Variants in PTPN13 observed in about 807,000 individuals in gnomAD.
PTPN13 encodes protein tyrosine phosphatase non-receptor type 13, also known as tyrosine-protein phosphatase non-receptor type 13.
PTPN13 carries 191 observed loss-of-function variants against 284.0 expected under a neutral mutation model. The ratio of observed to expected loss-of-function variants is 0.67; its 90% CI spans 0.60 to 0.76. The LOEUF (loss-of-function observed/expected upper bound fraction) is 0.76, where lower values mean the gene tolerates loss of function less well. Ranked by LOEUF, PTPN13 falls within the 30% of genes least tolerant of loss-of-function variation. The pLI is 0.00. For missense variants in PTPN13, 2,797 were observed against 2,939.9 expected (o/e 0.95, Z 1.12); for synonymous variants, 986 against 1,022.3 (o/e 0.96, Z 0.68).
In PTPN13 at chr4:86,782,279, C is replaced by T. The variant is rs369485937; in HGVS notation, c.6024+17C>T. ...TTCTCCACGGTAAGAAAAAGCCCACCCTCTTTCATGTCATACCTCCTTATC... is the reference window on the plus strand; with the variant it reads ...TTCTCCACGGTAAGAAAAAGCCCACTCTCTTTCATGTCATACCTCCTTATC... On this transcript the variant is annotated intron_variant, in intron 37 of 47. Coordinates refer to ENST00000411767, the MANE Select transcript of PTPN13 (RefSeq NM_080683.3). 98 of 1,579,704 alleles carry T rather than the reference C, an allele frequency of 6.2e-5. No individual in the cohort carries two copies. The African/African-American group carries it at 1.1e-3, about 18-fold the overall frequency.
chr4:86,775,778 A>G, intron 35 of PTPN13, 126 bp downstream of exon 35: 1 of 796,090 alleles, frequency 1.3e-6, no homozygotes, highest in Non-Finnish European at 1.9e-6. Flanking sequence ...GCAGGACTTA[A>G]TAAATTTAAA....
chr4:86,731,159 A>G (rs1734904295), intron 10 of PTPN13, among the ~76,000 whole-genome samples: 1 of 152,200 alleles, frequency 6.6e-6, no homozygotes, highest in Admixed American at 6.5e-5. Flanking sequence ...CTCTGGTAAC[A>G]TTCATTAGTT....
chr4:86,601,631 C>T (rs1355884346), intron 1 of PTPN13, among the ~76,000 whole-genome samples: 1 of 152,124 alleles, frequency 6.6e-6, no homozygotes, highest in Non-Finnish European at 1.5e-5. Flanking sequence ...GGTAAGATTT[C>T]ACCTGAATCT....
At chr4:86,690,285 A>T (rs1282635293) in intron 5 of PTPN13, 3 of 152,298 alleles carry the variant, frequency 2.0e-5, no homozygotes, top group Non-Finnish European at 2.9e-5. Flanking sequence ...TAAAGCTATT[A>T]AAAAATCTTT....
In PTPN13 at chr4:86,794,420, A is replaced by ATT. The variant is rs1227342493; in HGVS notation, c.6346-2453_6346-2452dup. On this transcript the variant is annotated intron_variant, in intron 40 of 47. Coordinates refer to ENST00000411767, the MANE Select transcript of PTPN13 (RefSeq NM_080683.3). ...AGAGGACACAAACAAATGGAAGAAC[A>ATT]TTCCATGCTCATGGATAGGAAGAAT... Among the ~76,000 whole-genome samples, 6 of 152,302 alleles carry ATT rather than the reference A, an allele frequency of 3.9e-5. No homozygotes were observed. The East Asian group carries it at 9.7e-4, about 25-fold the overall frequency.
intron 31 of PTPN13, 48 bp downstream of exon 31, chr4:86,771,583 G>C: frequency 6.8e-7 from 1 of 1,469,410 alleles, no homozygotes; most frequent in Non-Finnish European, 9.1e-7. Context: ...GTTGTTGTTA[G>C]TAGCAGTAGC....
rs80183139 is a variant in PTPN13, at chr4:86,691,226, C to CA, written c.546+2052dup. Among the ~76,000 whole-genome samples the CA allele has an allele frequency of 8.8e-3, 819 of 92,880 alleles. 9 individuals are homozygous for CA. Among genetic ancestry groups the CA allele is most frequent in the East Asian group, 8.7e-3 (29 of 3,316 alleles). The allele number at this position is 92,880 out of a possible 152,430, so 60.9% of individuals were successfully genotyped here. A position where few individuals can be genotyped will look rare whatever the true frequency, so the allele number is the denominator to read the frequency against. ...TAGGCAACAGAGTAAGGCCCTACCT[C>CA]AAAAAAAAAAAAAAAAGTTAAAATT... is the stretch of plus-strand genomic sequence containing the variant. On this transcript the variant is annotated intron_variant, in intron 5 of 47. Transcript: ENST00000411767.
At chr4:86,743,890 A>G (rs545352093) in intron 16 of PTPN13, among the ~76,000 whole-genome samples, 1 of 152,332 alleles carries the variant, frequency 6.6e-6, no homozygotes, top group Admixed American at 6.5e-5. Context: ...CACAGTAGCC[A>G]AGAGCTAGAG....
At chr4:86,652,730 G>A (rs1198728148) in intron 2 of PTPN13, among the ~76,000 whole-genome samples, 4 of 151,972 alleles carry the variant, frequency 2.6e-5, no homozygotes, top group Non-Finnish European at 4.4e-5. Context: ...TATATACCTT[G>A]AGGTAGTTGT....
chr4:86,644,846 A>G (rs761493121), intron 2 of PTPN13, among the ~76,000 whole-genome samples: 2 of 152,182 alleles, frequency 1.3e-5, no homozygotes, highest in Non-Finnish European at 2.9e-5. Context: ...AAAGAAAACT[A>G]TATTATCTTT....
At chr4:86,695,420 A>G (rs1459748319) in intron 6 of PTPN13, among the ~76,000 whole-genome samples, 1 of 151,948 alleles carries the variant, frequency 6.6e-6, no homozygotes, top group Middle Eastern at 3.2e-3. Flanking sequence ...AGGATTTGAG[A>G]TAGTATATAG....
intron 9 of PTPN13, among the ~76,000 whole-genome samples, chr4:86,719,067 T>C (rs941174831): frequency 1.3e-5 from 2 of 152,192 alleles, no homozygotes; most frequent in African/African-American, 4.8e-5. Flanking sequence ...ACATACTATT[T>C]TGTCAAGCAG....
intron 1 of PTPN13, among the ~76,000 whole-genome samples, chr4:86,595,110 G>C (rs1369947184): frequency 6.6e-6 from 1 of 152,158 alleles, no homozygotes; most frequent in Non-Finnish European, 1.5e-5. Context: ...TGGGGTAATA[G>C]GGAGTGACAT....
intron 19 of PTPN13, among the ~76,000 whole-genome samples, chr4:86,751,809 T>C (rs1318012690): frequency 6.6e-6 from 1 of 152,168 alleles, no homozygotes; most frequent in Non-Finnish European, 1.5e-5. Flanking sequence ...CTCTAAAACC[T>C]TAGATAATTT....
Position 86,741,641 on chromosome 4 carries a change from A to G in PTPN13, c.2312A>G (p.Gln771Arg). The change falls in exon 16 of 48, where the codon CAA (glutamine) becomes CGA (arginine). Residue 771 changes from glutamine to arginine, a missense_variant. Transcript: ENST00000411767. ...ETELEFLKVC[Q>R]RLTEYGVHFH... ...ATGGTATTATTCCAACAGGTCTGCC[A>G]AAGACTGACAGAATATGGAGTTCAT... The G allele has an allele frequency of 1.2e-6, 2 of 1,612,930 alleles. No individual in the cohort carries two copies. Among genetic ancestry groups the G allele is most frequent in the Non-Finnish European group, 1.7e-6 (2 of 1,179,076 alleles).
chr4:86,664,792 C>T (rs1726878205), intron 2 of PTPN13, among the ~76,000 whole-genome samples: 1 of 152,116 alleles, frequency 6.6e-6, no homozygotes, highest in South Asian at 2.1e-4. Context: ...AGCAGCTCCT[C>T]AGCACATTAT....
intron 1 of PTPN13, among the ~76,000 whole-genome samples, chr4:86,596,868 A>G (rs1451535143): frequency 6.6e-6 from 1 of 152,176 alleles, no homozygotes; most frequent in Non-Finnish European, 1.5e-5. Flanking sequence ...AAACATTTTT[A>G]TGCATAATTA....
At chr4:86,614,023 C>G (rs1720254424) in intron 1 of PTPN13, among the ~76,000 whole-genome samples, 1 of 152,136 alleles carries the variant, frequency 6.6e-6, no homozygotes, top group Non-Finnish European at 1.5e-5. Flanking sequence ...TCATAATTGT[C>G]AATCCTATTG....
chr4:86,726,953 C>T (rs1240400922), intron 10 of PTPN13, among the ~76,000 whole-genome samples: 6 of 149,348 alleles, frequency 4.0e-5, no homozygotes, highest in East Asian at 1.9e-4. Flanking sequence ...GTGGGTTTGT[C>T]GTAAATAGCA....
Sources: allele counts gnomAD v4.1 joint callset (sites outside exome capture counted in the v4.1 genomes callset), GRCh38; gene constraint gnomAD v4.1.1; transcripts MANE v1.5; gene names NCBI Gene and HGNC (gene_info 2026-07-23, HGNC 2026-07-21).